The following NOL9 variants were observed in gnomAD, a reference collection of about 807,000 sequenced individuals.
The protein encoded by NOL9 is nucleolar protein 9, also known as polynucleotide 5'-hydroxyl-kinase NOL9.
NOL9 carries 28 observed loss-of-function variants against 67.9 expected under a neutral mutation model. The observed-to-expected ratio is 0.41, with a 90% CI of 0.31 to 0.57. NOL9 has a LOEUF of 0.57. Among genes scored for constraint, NOL9 ranks in the 20% least tolerant of loss-of-function variants. NOL9 has a pLI of 0.25. For synonymous variants in NOL9, 356 were observed against 352.2 expected (o/e 1.01, Z -0.12); for missense variants, 777 against 897.0 (o/e 0.87, Z 1.71).
intron 6 of NOL9, among the ~76,000 whole-genome samples, chr1:6,535,463 C>A (rs1639131572): frequency 6.6e-6 from 1 of 152,160 alleles, no homozygotes; most frequent in Non-Finnish European, 1.5e-5. Flanking sequence ...CTGGAGAGCC[C>A]AGGCCAAGGG....
intron 7 of NOL9, 29 bp downstream of exon 7, chr1:6,533,251 C>G (rs1279590639): frequency 6.5e-7 from 1 of 1,547,392 alleles, no homozygotes. Flanking sequence ...GCCTGTCCTT[C>G]CCTTGCAGAT....
chr1:6,535,788 C>T (rs1212568002), intron 6 of NOL9, among the ~76,000 whole-genome samples: 4 of 151,948 alleles, frequency 2.6e-5, no homozygotes, highest in African/African-American at 9.7e-5. Flanking sequence ...ATTAGCCAGG[C>T]ATGGTGGCGG....
chr1:6,526,059 T>A lies in NOL9; in HGVS notation c.1960-56A>T. 2.0e-6 allele frequency: 3 copies of A among 1,492,978 alleles called. No homozygotes were observed. In the South Asian group the frequency reaches 3.4e-5, roughly 17 times the overall value. 92.5% of individuals were successfully genotyped at this position (1,492,978 alleles called of 1,614,324 possible). A position where few individuals can be genotyped will look rare whatever the true frequency, so the allele number is the denominator to read the frequency against. On this transcript the variant is annotated intron_variant, in intron 11 of 11. Transcript: ENST00000377705. The stretch of plus-strand genomic sequence containing the variant: ...ACACTCCAGGTCCAGCCCAGAGGGG[T>A]TTACAGTGCTCTCTCACACCTAGAA...
chr1:6,543,396 C>T (rs1236913377), intron 5 of NOL9, among the ~76,000 whole-genome samples: 1 of 152,000 alleles, frequency 6.6e-6, no homozygotes, highest in Non-Finnish European at 1.5e-5. Flanking sequence ...GGGGTTTCCC[C>T]GTGTTAGCCA....
At chr1:6,550,681 A>AAATAT in intron 1 of NOL9, 66 bp from the exon 2 acceptor site, 1 of 1,002,500 alleles carries the variant, frequency 1.0e-6, no homozygotes, top group African/African-American at 1.9e-5. Context: ...ACATTCTAAA[A>AAATAT]TCTTTTTTTT....
intron 6 of NOL9, among the ~76,000 whole-genome samples, chr1:6,535,090 A>C (rs375372315): frequency 1.6e-4 from 25 of 152,310 alleles, no homozygotes; most frequent in African/African-American, 6.0e-4. Flanking sequence ...GATTACAGGC[A>C]TGAAGCACCG....
intron 6 of NOL9, among the ~76,000 whole-genome samples, chr1:6,540,562 C>G (rs1284301508): frequency 6.6e-6 from 1 of 152,156 alleles, no homozygotes; most frequent in Non-Finnish European, 1.5e-5. Context: ...CACAGTGGCT[C>G]ATGCCTACAA....
rs911572616 is a variant in NOL9, at chr1:6,523,367, G to A, written c.*2487C>T. ...GGCCAAGGCAGGTGGATCACCTGAG[G>A]ACAGGAGTTCAAAACCAGCCTGGCC... On this transcript the variant is annotated 3_prime_UTR_variant, in exon 12 of 12. Coordinates refer to ENST00000377705, the MANE Select transcript of NOL9 (RefSeq NM_024654.5). The A allele has an allele frequency of 1.3e-5, 2 of 151,498 alleles. No homozygotes were observed. The highest frequency in any genetic ancestry group is 4.9e-5 in the African/African-American group (2 of 41,196). The allele number at this position is 151,498 out of a possible 1,614,324, so 9.4% of individuals were successfully genotyped here. A position where few individuals can be genotyped will look rare whatever the true frequency, so the allele number is the denominator to read the frequency against.
intron 3 of NOL9, chr1:6,548,062 G>A: frequency 4.0e-6 from 1 of 251,614 alleles, no homozygotes; most frequent in Non-Finnish European, 8.3e-6. Flanking sequence ...TACCAAGAAG[G>A]TTGGGAAAAC....
chr1:6,528,538 G>A (rs904831156), intron 10 of NOL9, among the ~76,000 whole-genome samples: 5 of 152,216 alleles, frequency 3.3e-5, no homozygotes, highest in South Asian at 4.1e-4. Flanking sequence ...GACCAAGTAC[G>A]AGCCTGGGGC....
At chr1:6,528,498 G>C (rs1638940960) in intron 10 of NOL9, among the ~76,000 whole-genome samples, 1 of 152,208 alleles carries the variant, frequency 6.6e-6, no homozygotes, top group Non-Finnish European at 1.5e-5. Flanking sequence ...GCCAGGGTCT[G>C]ACCTGGATGT....
Position 6,550,213 on chromosome 1 carries a change from A to T in NOL9, c.616+183T>A, listed in dbSNP as rs1229859926. Among the ~76,000 whole-genome samples the T allele has an allele frequency of 2.0e-5, 3 of 152,014 alleles. No individual in the cohort carries two copies. In the East Asian group the frequency reaches 5.8e-4, roughly 29 times the overall value. On this transcript the variant is annotated intron_variant, in intron 2 of 11. Coordinates refer to ENST00000377705, the MANE Select transcript of NOL9 (RefSeq NM_024654.5). ...CGCTTGGCTAATTTTTTGCATTTTT[A>T]GTAGAGACAGGGTTTCACCATCTTA...
Position 6,554,288 on chromosome 1 carries a change from G to A in NOL9, c.215C>T (p.Ala72Val), listed in dbSNP as rs531929657. 12 of 1,473,900 alleles carry A rather than the reference G, an allele frequency of 8.1e-6. No individual in the cohort carries two copies. The African/African-American group carries it at 1.5e-4, about 18-fold the overall frequency. 91.3% of individuals were successfully genotyped at this position (1,473,900 alleles called of 1,614,324 possible). A position where few individuals can be genotyped will look rare whatever the true frequency, so the allele number is the denominator to read the frequency against. Residue 72 changes from alanine to valine, a missense_variant, in exon 1 of 12, where the codon GCG (alanine) becomes GTG (valine). Coordinates refer to ENST00000377705, the MANE Select transcript of NOL9 (RefSeq NM_024654.5). ...GGTGTTGGGTCTCCGGGCCGCCGCCGCGCGCGACACCTGGCGGGCTCCCTC... is the reference window on the plus strand; with the variant it reads ...GGTGTTGGGTCTCCGGGCCGCCGCCACGCGCGACACCTGGCGGGCTCCCTC... ...WREGARQVSRAAAARRPNTAT... is the reference protein window; with the variant it reads ...WREGARQVSRVAAARRPNTAT...
At chr1:6,526,568 T>G (rs1289988003) in intron 11 of NOL9, 128 bp downstream of exon 11, 1 of 964,692 alleles carries the variant, frequency 1.0e-6, no homozygotes, top group East Asian at 2.5e-5. Context: ...CTCGGCTCAC[T>G]CAGGATCTAC....
chr1:6,525,892 GTTTCTC>G lies in NOL9; in HGVS notation c.2065_2070del (p.Glu689_Lys690del), dbSNP rs1315684714. On this transcript the variant is annotated inframe_deletion, in exon 12 of 12. Coordinates refer to ENST00000377705, the MANE Select transcript of NOL9 (RefSeq NM_024654.5). ...CGACAGAACTTAGGTCTTCGGTATG[GTTTCTC>G]TTTATGTGCCTCCTCAGGTTCTCTT... is the stretch of plus-strand genomic sequence containing the variant. The G allele has an allele frequency of 1.9e-6, 3 of 1,614,090 alleles. No homozygotes were observed.
intron 7 of NOL9, among the ~76,000 whole-genome samples, chr1:6,533,043 C>A (rs1170893484): frequency 6.6e-6 from 1 of 152,130 alleles, no homozygotes; most frequent in African/African-American, 2.4e-5. Flanking sequence ...GGCAGAGTGG[C>A]ACACGCCTGT....
intron 10 of NOL9, among the ~76,000 whole-genome samples, chr1:6,528,639 G>A (rs1288009145): frequency 6.6e-6 from 1 of 152,228 alleles, no homozygotes; most frequent in Admixed American, 6.5e-5. Flanking sequence ...CTGACAAGAT[G>A]GGTTTGGAAC....
intron 1 of NOL9, among the ~76,000 whole-genome samples, chr1:6,552,165 A>T (rs1041498860): frequency 6.6e-6 from 1 of 152,220 alleles, no homozygotes; most frequent in Non-Finnish European, 1.5e-5. Flanking sequence ...GAAGGGCGTC[A>T]GGAAGAATGG....
chr1:6,553,421 A>C (rs961147840), intron 1 of NOL9, among the ~76,000 whole-genome samples: 4 of 152,176 alleles, frequency 2.6e-5, no homozygotes, highest in African/African-American at 9.7e-5. Flanking sequence ...AGAGAGAGGG[A>C]CAACTACTCC....
Sources: gnomAD v4.1 joint callset for allele counts (sites outside exome capture counted in the v4.1 genomes callset) on GRCh38, gnomAD v4.1.1 for gene constraint, MANE v1.5 for transcripts, NCBI Gene and HGNC (gene_info 2026-07-23, HGNC 2026-07-21) for gene names.